Variants in ZNF638 observed in about 807,000 individuals in gnomAD.
The protein encoded by ZNF638 is zinc finger protein 638.
A neutral mutation model predicts 195.6 loss-of-function variants in ZNF638; 46 were observed. The ratio of observed to expected loss-of-function variants is 0.24; its 90% CI spans 0.19 to 0.30. The LOEUF (loss-of-function observed/expected upper bound fraction) is 0.30. Ranked by LOEUF, ZNF638 falls within the 10% of genes least tolerant of loss-of-function variation. The probability of loss-of-function intolerance (pLI) is 1.00; values close to 1 mark genes in which losing one functional copy is unlikely to be tolerated. For synonymous variants in ZNF638, 845 were observed against 772.0 expected (o/e 1.09, Z -1.57); for missense variants, 2,440 against 2,325.3 (o/e 1.05, Z -1.01).
At chr2:71,382,741 T>G (rs952387979) in intron 10 of ZNF638, among the ~76,000 whole-genome samples, 2 of 152,098 alleles carry the variant, frequency 1.3e-5, no homozygotes, top group Non-Finnish European at 2.9e-5. Context: ...AAAATAAACA[T>G]TAAATAATAT....
At chr2:71,362,064 C>T (rs952876005) in intron 3 of ZNF638, among the ~76,000 whole-genome samples, 3 of 152,278 alleles carry the variant, frequency 2.0e-5, no homozygotes, top group African/African-American at 7.2e-5. Flanking sequence ...TTAATATAAT[C>T]AGCATGTCCA....
chr2:71,424,691 T>A lies in ZNF638; in HGVS notation c.4566T>A (p.Thr1522=). 6.2e-7 allele frequency: 1 copy of A among 1,613,578 alleles called. No individual in the cohort carries two copies. Among genetic ancestry groups the A allele is most frequent in the Non-Finnish European group, 8.5e-7 (1 of 1,179,770 alleles). ...ACACTAAGAATCCTAAAAGCACTACTGGTAGAAGTTCCAAATCTAAAGAGG... is the reference window on the plus strand; with the variant it reads ...ACACTAAGAATCCTAAAAGCACTACAGGTAGAAGTTCCAAATCTAAAGAGG... ...EQNTKNPKST[T]GRSSKSKEEP... The change falls in exon 23 of 28, where the codon ACT becomes ACA. Residue 1522 remains threonine (T), a synonymous_variant. Coordinates refer to ENST00000264447, the MANE Select transcript of ZNF638 (RefSeq NM_014497.5).
Position 71,398,777 on chromosome 2 carries a change from G to A in ZNF638, c.2500+5G>A. The A allele has an allele frequency of 6.2e-7, 1 of 1,603,062 alleles. No individual in the cohort carries two copies. Among genetic ancestry groups the A allele is most frequent in the Non-Finnish European group, 8.5e-7 (1 of 1,173,290 alleles). On this transcript the variant is annotated splice_donor_5th_base_variant and intron_variant, in intron 12 of 27. Transcript: ENST00000264447. ...ATAAAGCTTCAATCAAAACAGGTAA[G>A]ACTATTGGGGAGGAGAGATTTTATT...
At chr2:71,383,641 C>G (rs1487629447) in intron 10 of ZNF638, among the ~76,000 whole-genome samples, 4 of 137,818 alleles carry the variant, frequency 2.9e-5, no homozygotes, top group African/African-American at 5.5e-5. Context: ...GTGGCATGAT[C>G]TTGGCTCACT....
At chr2:71,395,707 T>A (rs1413956023) in intron 10 of ZNF638, 1 of 449,338 alleles carries the variant, frequency 2.2e-6, no homozygotes, top group Non-Finnish European at 4.2e-6. Context: ...GCATTCTCTC[T>A]TTGGTGTCTC....
chr2:71,336,774 G>A (rs918293237), intron 1 of ZNF638, among the ~76,000 whole-genome samples: 15 of 152,064 alleles, frequency 9.9e-5, no homozygotes, highest in Admixed American at 6.5e-5. Context: ...GCTTGCTCAG[G>A]GTAACATTGT....
chr2:71,425,246 TACCTG>T (rs1399097262), intron 23 of ZNF638, among the ~76,000 whole-genome samples: 1 of 152,214 alleles, frequency 6.6e-6, no homozygotes, highest in Non-Finnish European at 1.5e-5. Context: ...TTACTTTTCT[TACCTG>T]GTAGGGGATA....
chr2:71,377,808 A>T, intron 8 of ZNF638, among the ~76,000 whole-genome samples: 1 of 152,372 alleles, frequency 6.6e-6, no homozygotes, highest in East Asian at 1.9e-4. Context: ...TTTAAATTTC[A>T]TGGTTATGGT....
At chr2:71,394,174 G>A (rs1195966758) in intron 10 of ZNF638, among the ~76,000 whole-genome samples, 1 of 152,120 alleles carries the variant, frequency 6.6e-6, no homozygotes, top group African/African-American at 2.4e-5. Context: ...TTTACAGGGC[G>A]ACCATACTGA....
chr2:71,369,934 A>G lies in ZNF638; in HGVS notation c.2194A>G (p.Ile732Val). The G allele has an allele frequency of 6.3e-7, 1 of 1,598,426 alleles. No individual in the cohort carries two copies. The highest frequency in any genetic ancestry group is 8.5e-7 in the Non-Finnish European group (1 of 1,175,342). ...KEAITAIMKY[I>V]ETTPLTIKGK... ...GGCAATTACTGCAATTATGAAGTAC[A>G]TTGAAACAACACCTCTTACGATAAA... Residue 732 changes from isoleucine to valine, a missense_variant, in exon 8 of 28, where the codon ATT (isoleucine) becomes GTT (valine). Transcript: ENST00000264447.
chr2:71,418,190 AT>A (rs1231357122), intron 20 of ZNF638: 1 of 153,612 alleles, frequency 6.5e-6, no homozygotes, highest in African/African-American at 2.4e-5. Context: ...GTTCAATTTT[AT>A]TTAGCATTTC....
intron 10 of ZNF638, among the ~76,000 whole-genome samples, chr2:71,383,558 T>G: frequency 1.4e-5 from 1 of 69,856 alleles, no homozygotes; most frequent in Non-Finnish European, 3.4e-5. Context: ...TCTTCCTGGG[T>G]GGTTTTTTTT....
intron 1 of ZNF638, 84 bp from the exon 2 acceptor site, chr2:71,348,669 C>A: frequency 7.5e-7 from 1 of 1,336,344 alleles, no homozygotes; most frequent in South Asian, 1.5e-5. Flanking sequence ...GGCTTTATTT[C>A]AAAATGTTTT....
intron 8 of ZNF638, among the ~76,000 whole-genome samples, chr2:71,372,871 T>C (rs1573068545): frequency 6.6e-6 from 1 of 152,360 alleles, no homozygotes; most frequent in Non-Finnish European, 1.5e-5. Flanking sequence ...GTAACTTCTC[T>C]ATAGTGTTTC....
chr2:71,396,411 G>T (rs977908619), intron 11 of ZNF638, among the ~76,000 whole-genome samples: 2 of 152,072 alleles, frequency 1.3e-5, no homozygotes, highest in Non-Finnish European at 2.9e-5. Context: ...AATTTCTTAT[G>T]ATGAGTATCA....
At position 71,353,709 on chromosome 2, in the gene ZNF638, A is replaced by G. The variant is rs529390803; in HGVS notation, c.1318-2010A>G. Among the ~76,000 whole-genome samples the G allele has an allele frequency of 7.1e-4, 108 of 152,276 alleles. 2 individuals are homozygous for G. Among genetic ancestry groups the G allele is most frequent in the Admixed American group, 1.4e-3 (21 of 15,298 alleles). On this transcript the variant is annotated intron_variant, in intron 2 of 27. Coordinates refer to ENST00000264447, the MANE Select transcript of ZNF638 (RefSeq NM_014497.5). ...TAAGAATGATATCCTGTATTACTGT[A>G]TCTTCCTATTTTTTCAAGAAAAGCT...
intron 8 of ZNF638, among the ~76,000 whole-genome samples, chr2:71,371,279 A>G (rs1166568206): frequency 3.3e-5 from 5 of 152,176 alleles, no homozygotes; most frequent in Non-Finnish European, 2.9e-5. Context: ...GATCTTAGCT[A>G]ATGTGAACAG....
intron 20 of ZNF638, among the ~76,000 whole-genome samples, chr2:71,418,051 C>CATATAGGGACTGATTTTT (rs1344401499): frequency 9.2e-5 from 14 of 152,102 alleles, no homozygotes; most frequent in African/African-American, 3.4e-4. Context: ...CAGTGCTTGC[C>CATATAGGGACTGATTTTT]ATATAGGGAC....
At chr2:71,379,800 G>C (rs2079501669) in intron 8 of ZNF638, 1 of 152,318 alleles carries the variant, frequency 6.6e-6, no homozygotes, top group South Asian at 2.1e-4. Flanking sequence ...CCTTGCGCAG[G>C]GGCCATGCTA....
Sources: gnomAD v4.1 joint callset for allele counts (sites outside exome capture counted in the v4.1 genomes callset) on GRCh38, gnomAD v4.1.1 for gene constraint, MANE v1.5 for transcripts, NCBI Gene and HGNC (gene_info 2026-07-23, HGNC 2026-07-21) for gene names.